XKR4: variants seen among roughly 807,000 people sequenced by gnomAD.
The protein encoded by XKR4 is XK related 4.
In XKR4, 12 loss-of-function variants were observed where a neutral mutation model predicts 53.9. That is an observed-to-expected ratio of 0.22 (90% confidence interval 0.14 to 0.36). The LOEUF (loss-of-function observed/expected upper bound fraction) is 0.36, where lower values mean the gene tolerates loss of function less well. XKR4 is among the 10% of genes least tolerant of loss of function. The pLI is 1.00. For missense variants in XKR4, 799 were observed against 859.5 expected (o/e 0.93, Z 0.88); for synonymous variants, 354 against 362.4 (o/e 0.98, Z 0.26).
chr8:55,106,874 G>A (rs1210147052), intron 1 of XKR4, among the ~76,000 whole-genome samples: 1 of 152,090 alleles, frequency 6.6e-6, no homozygotes, highest in African/African-American at 2.4e-5. Context: ...TTCTGCTCTT[G>A]TCATGCTTGC....
chr8:55,263,083 G>GC (rs1172093930), intron 1 of XKR4, among the ~76,000 whole-genome samples: 1 of 152,138 alleles, frequency 6.6e-6, no homozygotes, highest in South Asian at 2.1e-4. Flanking sequence ...GTTCAGTTCA[G>GC]CCCCCTCTCT....
intron 1 of XKR4, among the ~76,000 whole-genome samples, chr8:55,127,038 A>G (rs1273167195): frequency 6.6e-6 from 1 of 152,204 alleles, no homozygotes; most frequent in Non-Finnish European, 1.5e-5. Context: ...CTAATCATAC[A>G]TAGCAAGTGA....
At chr8:55,442,660 A>G (rs776449430) in intron 2 of XKR4, among the ~76,000 whole-genome samples, 2 of 152,246 alleles carry the variant, frequency 1.3e-5, no homozygotes, top group Non-Finnish European at 2.9e-5. Context: ...GGAATGAAGT[A>G]CTGATAAATG....
At chr8:55,476,570 G>GTA (rs397762749) in intron 2 of XKR4, among the ~76,000 whole-genome samples, 1 of 151,288 alleles carries the variant, frequency 6.6e-6, no homozygotes, top group Non-Finnish European at 1.5e-5. Context: ...GCAGCACACT[G>GTA]AGCAAGCTGA....
chr8:55,474,784 C>T (rs756114554), intron 2 of XKR4, among the ~76,000 whole-genome samples: 2 of 152,082 alleles, frequency 1.3e-5, no homozygotes, highest in African/African-American at 4.8e-5. Flanking sequence ...ACCATGCACC[C>T]AATGCTTTAT....
chr8:55,283,322 A>T (rs1225511125), intron 1 of XKR4, among the ~76,000 whole-genome samples: 2 of 152,228 alleles, frequency 1.3e-5, no homozygotes, highest in South Asian at 2.1e-4. Context: ...AATAGTGGAC[A>T]TAGACTGAGA....
chr8:55,110,595 A>C (rs904650380), intron 1 of XKR4, among the ~76,000 whole-genome samples: 7 of 152,130 alleles, frequency 4.6e-5, no homozygotes, highest in African/African-American at 1.7e-4. Context: ...CTTTTTTTAG[A>C]TTACTAGTGT....
intron 1 of XKR4, among the ~76,000 whole-genome samples, chr8:55,108,171 G>A (rs1439166564): frequency 2.0e-5 from 3 of 152,106 alleles, no homozygotes; most frequent in Non-Finnish European, 4.4e-5. Context: ...TGACTTTAGA[G>A]CCCTGGATGC....
chr8:55,360,718 T>A lies in XKR4; in HGVS notation c.1006+2841T>A, dbSNP rs189039750. On this transcript the variant is annotated intron_variant, in intron 2 of 2. Coordinates refer to ENST00000327381, the MANE Select transcript of XKR4 (RefSeq NM_052898.2). Reference sequence around the variant, plus strand: ...TGATCTTTAAACCCAATTTCAACCATCCACCACTCTCTGCAGTGCTTTTAA... The same window carrying A: ...TGATCTTTAAACCCAATTTCAACCAACCACCACTCTCTGCAGTGCTTTTAA... 3.3e-5 allele frequency among the ~76,000 whole-genome samples: 5 copies of A among 152,298 alleles called. No individual in the cohort carries two copies. The East Asian group carries it at 9.7e-4, about 29-fold the overall frequency.
intron 1 of XKR4, among the ~76,000 whole-genome samples, chr8:55,202,336 T>C (rs1256175900): frequency 6.6e-6 from 1 of 152,146 alleles, no homozygotes; most frequent in Non-Finnish European, 1.5e-5. Flanking sequence ...GGCTGGGAGT[T>C]GCCTCGGGAG....
At chr8:55,140,079 A>G (rs1216026189) in intron 1 of XKR4, 1 of 338,696 alleles carries the variant, frequency 3.0e-6, no homozygotes, top group African/African-American at 2.2e-5. Flanking sequence ...ATTAAATTAG[A>G]AAAACAGTAC....
chr8:55,174,684 T>A (rs1415058395), intron 1 of XKR4, among the ~76,000 whole-genome samples: 1 of 152,194 alleles, frequency 6.6e-6, no homozygotes, highest in Non-Finnish European at 1.5e-5. Context: ...CTTTGACTTT[T>A]TTCAGTCCTA....
intron 1 of XKR4, among the ~76,000 whole-genome samples, chr8:55,256,141 A>G (rs986301697): frequency 6.6e-6 from 1 of 152,074 alleles, no homozygotes; most frequent in Admixed American, 6.6e-5. Context: ...TTCCAGGAAA[A>G]GGATACTTCA....
At chr8:55,322,237 C>T (rs540984011) in intron 1 of XKR4, among the ~76,000 whole-genome samples, 16 of 152,254 alleles carry the variant, frequency 1.1e-4, no homozygotes, top group South Asian at 2.1e-4. Flanking sequence ...TTTCTTAACT[C>T]GCTTTTTCAC....
chr8:55,449,128 T>C (rs1805385545), intron 2 of XKR4, among the ~76,000 whole-genome samples: 1 of 151,722 alleles, frequency 6.6e-6, no homozygotes, highest in Non-Finnish European at 1.5e-5. Flanking sequence ...TGACCAAAGG[T>C]GATAACAAAT....
chr8:55,523,246 T>C, intron 2 of XKR4, 35 bp from the exon 3 acceptor site: 1 of 1,532,906 alleles, frequency 6.5e-7, no homozygotes, highest in Non-Finnish European at 8.8e-7. Flanking sequence ...CTGCAACTGA[T>C]TTCTGACACA....
chr8:55,452,609 C>A, intron 2 of XKR4: 1 of 1,117,706 alleles, frequency 8.9e-7, no homozygotes, highest in Non-Finnish European at 1.4e-6. Flanking sequence ...TAATGTTTAT[C>A]TGGACGATGT....
At chr8:55,260,640 G>T (rs1818511867) in intron 1 of XKR4, among the ~76,000 whole-genome samples, 1 of 152,202 alleles carries the variant, frequency 6.6e-6, no homozygotes, top group Non-Finnish European at 1.5e-5. Context: ...AGTGCACAGG[G>T]TTTTATAGAC....
At chr8:55,346,859 A>C (rs928731795) in intron 1 of XKR4, among the ~76,000 whole-genome samples, 1 of 152,214 alleles carries the variant, frequency 6.6e-6, no homozygotes, top group Non-Finnish European at 1.5e-5. Context: ...ATAACAACTG[A>C]TAACAGCCAA....
Sources: gnomAD v4.1 joint callset for allele counts (sites outside exome capture counted in the v4.1 genomes callset) on GRCh38, gnomAD v4.1.1 for gene constraint, MANE v1.5 for transcripts, NCBI Gene and HGNC (gene_info 2026-07-23, HGNC 2026-07-21) for gene names.